The following GOLM2 variants were observed in gnomAD, a reference collection of about 807,000 sequenced individuals.
GOLM2 encodes golgi membrane protein 2.
In GOLM2, 26 loss-of-function variants were observed where a neutral mutation model predicts 55.9. The observed-to-expected ratio is 0.47, with a 90% CI of 0.34 to 0.65. The LOEUF is 0.65. Ranked by LOEUF, GOLM2 falls within the 30% of genes least tolerant of loss-of-function variation. The probability of loss-of-function intolerance (pLI) is 0.01; values close to 1 mark genes in which losing one functional copy is unlikely to be tolerated. For missense variants in GOLM2, 486 were observed against 531.8 expected (o/e 0.91, Z 0.85); for synonymous variants, 165 against 194.6 (o/e 0.85, Z 1.27).
chr15:44,389,566 A>T (rs944888011), intron 8 of GOLM2, among the ~76,000 whole-genome samples: 1 of 152,184 alleles, frequency 6.6e-6, no homozygotes, highest in African/African-American at 2.4e-5. Context: ...AAAGCACTTG[A>T]TACTCTGTAG....
chr15:44,316,005 T>C (rs556197802), intron 1 of GOLM2, among the ~76,000 whole-genome samples: 16 of 152,340 alleles, frequency 1.1e-4, no homozygotes, highest in Non-Finnish European at 1.5e-5. Context: ...TCAGTGTTTA[T>C]GGGTATCAGG....
chr15:44,386,027 GT>G (rs2079441599), intron 8 of GOLM2, among the ~76,000 whole-genome samples: 1 of 152,128 alleles, frequency 6.6e-6, no homozygotes, highest in African/African-American at 2.4e-5. Flanking sequence ...ATGCACGAAA[GT>G]TTTTAATTTT....
At chr15:44,397,392 T>C (rs924308247) in intron 8 of GOLM2, among the ~76,000 whole-genome samples, 6 of 142,730 alleles carry the variant, frequency 4.2e-5, no homozygotes, top group Admixed American at 1.5e-4. Flanking sequence ...GGCAGGAGAA[T>C]GGCATGAACC....
chr15:44,330,208 TAAAAAAAA>T (rs746756627), intron 3 of GOLM2, among the ~76,000 whole-genome samples: 11 of 81,480 alleles, frequency 1.4e-4, no homozygotes, highest in African/African-American at 2.1e-4. Flanking sequence ...CTTGTCTCTT[TAAAAAAAA>T]AAAAAAAAAA....
intron 4 of GOLM2, among the ~76,000 whole-genome samples, chr15:44,336,243 A>G (rs544055958): frequency 6.6e-6 from 1 of 152,072 alleles, no homozygotes; most frequent in Admixed American, 6.5e-5. Flanking sequence ...CAGGCTCCCA[A>G]GTAACTAGGA....
chr15:44,406,342 T>G (rs917636228), intron 9 of GOLM2: 1 of 152,104 alleles, frequency 6.6e-6, no homozygotes, highest in African/African-American at 2.4e-5. Flanking sequence ...AAGCCGAGAT[T>G]GCACCATTGC....
intron 6 of GOLM2, among the ~76,000 whole-genome samples, chr15:44,339,829 TA>T (rs2079079630): frequency 6.6e-6 from 1 of 152,080 alleles, no homozygotes; most frequent in Non-Finnish European, 1.5e-5. Context: ...TTTATTTTTT[TA>T]TTTTTGTGAT....
chr15:44,381,525 A>T (rs963475460), intron 8 of GOLM2, among the ~76,000 whole-genome samples: 1 of 152,178 alleles, frequency 6.6e-6, no homozygotes, highest in Non-Finnish European at 1.5e-5. Context: ...AGCTTCCTTA[A>T]ACTGTGCTTT....
chr15:44,399,176 T>C (rs543661107), intron 8 of GOLM2, among the ~76,000 whole-genome samples: 3 of 152,340 alleles, frequency 2.0e-5, no homozygotes, highest in South Asian at 2.1e-4. Flanking sequence ...CTCTTAAATG[T>C]TGAATAATTT....
chr15:44,400,866 C>T (rs1383488411), intron 8 of GOLM2, among the ~76,000 whole-genome samples: 4 of 152,138 alleles, frequency 2.6e-5, no homozygotes, highest in South Asian at 2.1e-4. Context: ...TGAGCCACCA[C>T]GCCTGGCCAC....
chr15:44,325,982 G>A (rs1454727582), intron 2 of GOLM2, among the ~76,000 whole-genome samples: 1 of 152,072 alleles, frequency 6.6e-6, no homozygotes, highest in African/African-American at 2.4e-5. Flanking sequence ...AGAGAAATTT[G>A]GCTGGGCACG....
At chr15:44,377,076 T>C (rs1046722188) in intron 6 of GOLM2, among the ~76,000 whole-genome samples, 12 of 152,282 alleles carry the variant, frequency 7.9e-5, no homozygotes, top group African/African-American at 2.6e-4. Flanking sequence ...TTTATGGGGC[T>C]CTAAAGTTTT....
At chr15:44,373,320 A>G (rs1392543457) in intron 6 of GOLM2, among the ~76,000 whole-genome samples, 9 of 150,622 alleles carry the variant, frequency 6.0e-5, no homozygotes, top group Non-Finnish European at 1.0e-4. Flanking sequence ...AGCCGGGCGC[A>G]GTGGCGGGCG....
chr15:44,301,511 C>A (rs2078796993), intron 1 of GOLM2, among the ~76,000 whole-genome samples: 3 of 152,064 alleles, frequency 2.0e-5, no homozygotes, highest in Non-Finnish European at 4.4e-5. Flanking sequence ...GTGAACAAGA[C>A]AGATATGGTA....
chr15:44,395,177 ATTTTTT>A (rs755963732), intron 8 of GOLM2, among the ~76,000 whole-genome samples: 11 of 136,550 alleles, frequency 8.1e-5, no homozygotes, highest in African/African-American at 3.0e-4. Flanking sequence ...CGCCCGGCTA[ATTTTTT>A]TTTTTTTTTT....
chr15:44,322,869 G>A, intron 1 of GOLM2, 96 bp from the exon 2 acceptor site: 3 of 754,546 alleles, frequency 4.0e-6, no homozygotes, highest in South Asian at 3.8e-5. Context: ...AGAGTTTTTT[G>A]TTTGCATTTA....
chr15:44,335,810 C>CTTTT (rs768065943), intron 4 of GOLM2, among the ~76,000 whole-genome samples: 13 of 122,208 alleles, frequency 1.1e-4, no homozygotes, highest in Non-Finnish European at 1.6e-4. Context: ...GGACAAACTG[C>CTTTT]TTTTTTTTTT....
intron 6 of GOLM2, among the ~76,000 whole-genome samples, chr15:44,367,585 A>G (rs937746043): frequency 1.3e-5 from 2 of 152,022 alleles, no homozygotes; most frequent in Non-Finnish European, 2.9e-5. Context: ...CATGAGGTCA[A>G]GAGATCCAAG....
At position 44,323,037 on chromosome 15, in the gene GOLM2, A is replaced by G. The variant is rs763600830; in HGVS notation, c.382+18A>G. ...TTTAAAGGGTAAGAACCTTAATTCC[A>G]GATTAAAGATAAACCAAGGTCACTA... On this transcript the variant is annotated intron_variant, in intron 2 of 9. Transcript: ENST00000299957. 1.3e-6 allele frequency: 2 copies of G among 1,516,580 alleles called. No individual in the cohort carries two copies. The highest frequency in any genetic ancestry group is 1.8e-6 in the Non-Finnish European group (2 of 1,125,786). The allele number at this position is 1,516,580 out of a possible 1,614,324, so 93.9% of individuals were successfully genotyped here.
Sources: allele counts gnomAD v4.1 joint callset (sites outside exome capture counted in the v4.1 genomes callset), GRCh38; gene constraint gnomAD v4.1.1; transcripts MANE v1.5; gene names NCBI Gene and HGNC (gene_info 2026-07-23, HGNC 2026-07-21).